The following RNLS variants were observed in gnomAD, a reference collection of about 807,000 sequenced individuals.
The protein encoded by RNLS is renalase.
RNLS carries 39 observed loss-of-function variants against 39.8 expected under a neutral mutation model. That is an observed-to-expected ratio of 0.98 (90% CI 0.76 to 1.28). The LOEUF is 1.28. Among genes scored for constraint, RNLS ranks in the 50% most tolerant of loss-of-function variants. RNLS has a pLI of 0.00. For synonymous variants in RNLS, 147 were observed against 150.7 expected (o/e 0.98, Z 0.18); for missense variants, 410 against 413.3 (o/e 0.99, Z 0.07).
chr10:88,489,047 C>T (rs1294743960), intron 4 of RNLS, among the ~76,000 whole-genome samples: 2 of 152,144 alleles, frequency 1.3e-5, no homozygotes, highest in African/African-American at 2.4e-5. Flanking sequence ...GAAATTCAAG[C>T]ATTCTGAGTC....
chr10:88,296,766 T>C (rs1844124825), intron 6 of RNLS, among the ~76,000 whole-genome samples: 1 of 152,126 alleles, frequency 6.6e-6, no homozygotes, highest in Non-Finnish European at 1.5e-5. Flanking sequence ...CCACTAGAAA[T>C]AACAGAGAAC....
In RNLS at chr10:88,362,576, T is replaced by A; in HGVS notation, c.676A>T (p.Ile226Phe). The A allele has an allele frequency of 6.2e-7, 1 of 1,613,768 alleles. No homozygotes were observed. Among genetic ancestry groups the A allele is most frequent in the South Asian group, 1.1e-5 (1 of 91,042 alleles). The change falls in exon 5 of 7, where the codon ATT (isoleucine) becomes TTT (phenylalanine). Residue 226 changes from isoleucine (I) to phenylalanine (F), a missense_variant. Ile to Phe is a conservative substitution (Grantham distance 21, BLOSUM62 0). Transcript: ENST00000331772. Reference sequence around the variant, plus strand: ...CCTATATTGCGCTTCTTATTATCAATGGAGACGAAGCGTATGCAGGGATTA... The same window carrying A: ...CCTATATTGCGCTTCTTATTATCAAAGGAGACGAAGCGTATGCAGGGATTA... ...TSNPCIRFVS[I>F]DNKKRNIESS...
intron 5 of RNLS, among the ~76,000 whole-genome samples, chr10:88,328,900 G>A (rs527457718): frequency 1.3e-5 from 2 of 152,002 alleles, no homozygotes; most frequent in Non-Finnish European, 2.9e-5. Context: ...TTCTAATGGA[G>A]ATAGAACTCT....
intron 3 of RNLS, among the ~76,000 whole-genome samples, chr10:88,574,132 A>G (rs1590046346): frequency 2.0e-5 from 3 of 152,328 alleles, no homozygotes; most frequent in East Asian, 3.9e-4. Flanking sequence ...CATAACAAAT[A>G]AAAAGAATGA....
chr10:88,538,499 T>G (rs1157126767), intron 4 of RNLS, among the ~76,000 whole-genome samples: 1 of 152,192 alleles, frequency 6.6e-6, no homozygotes, highest in Non-Finnish European at 1.5e-5. Flanking sequence ...CTTCAGAGAT[T>G]CTTCCAGAAA....
chr10:88,264,540 G>A, the RNLS span, among the ~76,000 whole-genome samples: 1 of 152,124 alleles, frequency 6.6e-6, no homozygotes, highest in African/African-American at 2.4e-5. Flanking sequence ...GTATCACATT[G>A]TGGTTTTGAT....
chr10:88,242,950 C>CAAAG, the RNLS span, among the ~76,000 whole-genome samples: 1 of 71,468 alleles, frequency 1.4e-5, no homozygotes, highest in African/African-American at 4.5e-5. Context: ...TCTGTCAAAA[C>CAAAG]AAACAAACAA....
At chr10:88,403,388 T>C (rs1853058093) in intron 4 of RNLS, among the ~76,000 whole-genome samples, 1 of 152,088 alleles carries the variant, frequency 6.6e-6, no homozygotes, top group East Asian at 1.9e-4. Flanking sequence ...ATAGAAATTA[T>C]TGTTAATATT....
intron 4 of RNLS, among the ~76,000 whole-genome samples, chr10:88,509,504 G>A (rs1301904248): frequency 6.4e-5 from 6 of 94,312 alleles, no homozygotes; most frequent in Admixed American, 2.8e-4. Flanking sequence ...AGGGGGAGGG[G>A]ACAGGAGGGC....
Position 88,455,880 on chromosome 10 carries a change from C to T in RNLS, c.527-93155G>A, listed in dbSNP as rs374480650. Among the ~76,000 whole-genome samples, 3 of 152,292 alleles carry T rather than the reference C, an allele frequency of 2.0e-5. No homozygotes were observed. The East Asian group carries it at 5.8e-4, about 29-fold the overall frequency. On this transcript the variant is annotated intron_variant, in intron 4 of 6. Transcript: ENST00000331772. ...CGCTTTATCCCAATGCATGCCCACT[C>T]ATCATTTGATCTTTTTGTTTTAAAA...
chr10:88,197,073 G>T, the RNLS span, among the ~76,000 whole-genome samples: 1 of 152,170 alleles, frequency 6.6e-6, no homozygotes, highest in South Asian at 2.1e-4. Context: ...GGAGATGAAA[G>T]TGCATGCGTG....
At chr10:88,422,788 A>T (rs1854486564) in intron 4 of RNLS, among the ~76,000 whole-genome samples, 1 of 150,140 alleles carries the variant, frequency 6.7e-6, no homozygotes. Context: ...ACAAGGTCTC[A>T]TTCTGTCATC....
the RNLS span, among the ~76,000 whole-genome samples, chr10:88,210,147 A>G: frequency 7.2e-5 from 11 of 152,214 alleles, no homozygotes; most frequent in African/African-American, 2.7e-4. Context: ...TCATTACTTT[A>G]TAGCCTCACC....
intron 4 of RNLS, among the ~76,000 whole-genome samples, chr10:88,560,950 AC>A (rs1849149786): frequency 6.6e-6 from 1 of 151,414 alleles, no homozygotes; most frequent in Non-Finnish European, 1.5e-5. Flanking sequence ...TAACACACAC[AC>A]ACACACACAC....
intron 4 of RNLS, among the ~76,000 whole-genome samples, chr10:88,508,409 A>G (rs1564857577): frequency 6.6e-6 from 1 of 152,152 alleles, no homozygotes; most frequent in Non-Finnish European, 1.5e-5. Context: ...TGATGACCCA[A>G]TGAGATAATG....
chr10:88,325,576 C>T (rs565170209), intron 5 of RNLS, among the ~76,000 whole-genome samples: 1 of 152,318 alleles, frequency 6.6e-6, no homozygotes, highest in South Asian at 2.1e-4. Flanking sequence ...GAAGTAAGCA[C>T]TGTAGCTGCC....
chr10:88,315,820 G>T (rs1338553702), intron 5 of RNLS, among the ~76,000 whole-genome samples: 1 of 149,620 alleles, frequency 6.7e-6, no homozygotes, highest in Non-Finnish European at 1.5e-5. Context: ...CCACCACATA[G>T]GTCTATGATG....
intron 4 of RNLS, among the ~76,000 whole-genome samples, chr10:88,382,132 T>TTTGA (rs1418472461): frequency 4.6e-5 from 7 of 152,114 alleles, no homozygotes; most frequent in Non-Finnish European, 7.4e-5. Flanking sequence ...ATAGTTATCA[T>TTTGA]TTGATTGTGT....
chr10:88,506,628 A>C (rs1462059922), intron 4 of RNLS, among the ~76,000 whole-genome samples: 1 of 151,952 alleles, frequency 6.6e-6, no homozygotes, highest in African/African-American at 2.4e-5. Context: ...AGTCAGAAAC[A>C]ATGGTAACAA....
Sources: gnomAD v4.1 joint callset for allele counts (sites outside exome capture counted in the v4.1 genomes callset) on GRCh38, gnomAD v4.1.1 for gene constraint, MANE v1.5 for transcripts, NCBI Gene and HGNC (gene_info 2026-07-23, HGNC 2026-07-21) for gene names.